The following CAT variants were observed in gnomAD, a reference collection of about 807,000 sequenced individuals.
The protein encoded by CAT is catalase, also known as epididymis secretory sperm binding protein.
Under a neutral mutation model 59.0 loss-of-function variants are expected in CAT, and 43 were observed. The ratio of observed to expected loss-of-function variants is 0.73; its 90% CI spans 0.57 to 0.94. The LOEUF is 0.94. Ranked by LOEUF, CAT falls within the 40% of genes least tolerant of loss-of-function variation. CAT has a pLI of 0.00. For missense variants in CAT, 664 were observed against 682.9 expected (o/e 0.97, Z 0.31); for synonymous variants, 218 against 230.9 (o/e 0.94, Z 0.51).
intron 10 of CAT, 67 bp downstream of exon 10, chr11:34,464,302 C>T (rs1564966277): frequency 1.2e-5 from 17 of 1,460,122 alleles, no homozygotes; most frequent in Non-Finnish European, 1.6e-5. Flanking sequence ...CCTGCATAAT[C>T]CCCCTCCCTG....
At chr11:34,466,780 C>CAAAAAAAAAAAAA (rs71457350) in intron 10 of CAT, among the ~76,000 whole-genome samples, 10 of 41,146 alleles carry the variant, frequency 2.4e-4, no homozygotes, top group African/African-American at 5.0e-4. Context: ...GACTCCGTCT[C>CAAAAAAAAAAAAA]AAAAAAAAAA....
At chr11:34,452,887 A>G (rs539915864) in intron 4 of CAT, among the ~76,000 whole-genome samples, 1 of 151,648 alleles carries the variant, frequency 6.6e-6, no homozygotes, top group Admixed American at 6.6e-5. Flanking sequence ...TATAGTTTTG[A>G]GTATATTTGA....
chr11:34,468,303 G>A lies in CAT; in HGVS notation c.1342G>A (p.Val448Met). 1 of 1,613,864 alleles carries A rather than the reference G, an allele frequency of 6.2e-7. No homozygotes were observed. The highest frequency in any genetic ancestry group is 1.1e-5 in the South Asian group (1 of 91,076). Reference protein sequence around the residue: ...DNVTQVRAFYVNVLNEEQRKR... With the variant: ...DNVTQVRAFYMNVLNEEQRKR... ...CTCTGAGCAGGTGCGGGCATTCTAT[G>A]TGAACGTGCTGAATGAGGAACAGAG... The change falls in exon 11 of 13, where the codon GTG (valine) becomes ATG (methionine). Residue 448 changes from valine to methionine, a missense_variant. Physicochemically the swap from Val to Met is conservative, Grantham distance 21. Transcript: ENST00000241052.
rs753141249 is a variant in CAT at position 34,456,753 on chromosome 11, A to G, written c.992A>G (p.Gln331Arg). Reference protein sequence around the residue: ...NPVNYFAEVEQIAFDPSNMPP... With the variant: ...NPVNYFAEVERIAFDPSNMPP... The stretch of plus-strand genomic sequence containing the variant: ...GTTAATTACTTTGCTGAGGTTGAAC[A>G]GATAGCCTTCGACCCAAGCAACATG... The change falls in exon 8 of 13, where the codon CAG becomes CGG. Residue 331 changes from glutamine to arginine, a missense_variant. Coordinates refer to ENST00000241052, the MANE Select transcript of CAT (RefSeq NM_001752.4). 7.4e-6 allele frequency: 12 copies of G among 1,614,044 alleles called. No individual in the cohort carries two copies. The East Asian group carries it at 2.2e-4, about 30-fold the overall frequency.
intron 1 of CAT, among the ~76,000 whole-genome samples, chr11:34,443,742 A>C (rs1452378259): frequency 6.6e-5 from 10 of 152,186 alleles, no homozygotes; most frequent in African/African-American, 2.4e-4. Flanking sequence ...GTCTTAGACT[A>C]TCCATTTCTG....
chr11:34,449,384 C>T, intron 2 of CAT, 21 bp downstream of exon 2: 1 of 1,609,102 alleles, frequency 6.2e-7, no homozygotes, highest in Non-Finnish European at 8.5e-7. Context: ...TGTTTATTTG[C>T]TGTAAAAAGA....
chr11:34,447,853 A>C (rs1294061807), intron 1 of CAT, among the ~76,000 whole-genome samples: 1 of 152,186 alleles, frequency 6.6e-6, no homozygotes, highest in Non-Finnish European at 1.5e-5. Context: ...ACTCATAAAT[A>C]AGTAACTTAC....
At chr11:34,442,215 T>C (rs1292229438) in intron 1 of CAT, among the ~76,000 whole-genome samples, 1 of 152,238 alleles carries the variant, frequency 6.6e-6, no homozygotes, top group Non-Finnish European at 1.5e-5. Flanking sequence ...AAATTATTAA[T>C]TCATAGCCCA....
At chr11:34,457,206 T>C (rs1856601480) in intron 8 of CAT, among the ~76,000 whole-genome samples, 2 of 104,010 alleles carry the variant, frequency 1.9e-5, no homozygotes, top group Non-Finnish European at 4.1e-5. Flanking sequence ...TTCTTGTTCT[T>C]TTTTTTTTTT....
intron 7 of CAT, 67 bp from the exon 8 acceptor site, chr11:34,456,598 T>C (rs1856592367): frequency 7.0e-7 from 1 of 1,433,856 alleles, no homozygotes; most frequent in Non-Finnish European, 9.8e-7. Context: ...AATCTGGTAT[T>C]TTTGTGGGTA....
At chr11:34,468,436 G>A in intron 11 of CAT, 41 bp downstream of exon 11, 2 of 1,359,450 alleles carry the variant, frequency 1.5e-6, no homozygotes, top group Non-Finnish European at 2.1e-6. Context: ...TGCTGGCTAA[G>A]GAAGACAGTG....
intron 10 of CAT, among the ~76,000 whole-genome samples, chr11:34,464,540 C>T (rs1303781498): frequency 6.6e-6 from 1 of 152,138 alleles, no homozygotes; most frequent in African/African-American, 2.4e-5. Flanking sequence ...TGAGCATGTA[C>T]AGCTTACGTG....
rs750455835 is a variant in CAT at position 34,452,176 on chromosome 11, C to A, written c.449C>A (p.Thr150Asn). The change falls in exon 4 of 13, where the codon ACC becomes AAC. Residue 150 changes from threonine (T) to asparagine (N), a missense_variant. Transcript: ENST00000241052. The part of the protein sequence containing the change: ...DGNWDLVGNN[T>N]PIFFIRDPIL... Reference sequence around the variant, plus strand: ...AACTGGGATCTCGTTGGAAATAACACCCCCATTTTCTTCATCAGGGATCCC... The same window carrying A: ...AACTGGGATCTCGTTGGAAATAACAACCCCATTTTCTTCATCAGGGATCCC... The A allele has an allele frequency of 2.5e-6, 4 of 1,613,392 alleles. No homozygotes were observed. The African/African-American group carries it at 5.3e-5, about 22-fold the overall frequency.
Position 34,468,370 on chromosome 11 carries a change from CA to C in CAT, c.1410del (p.Gln471LysfsTer69). On this transcript the variant is annotated frameshift_variant, in exon 11 of 13. Transcript: ENST00000241052. LOFTEE classifies it high-confidence loss of function. Reference protein sequence around the residue: ...CENIAGHLKDAQIFIQKKAVK... With the variant: ...CENIAGHLKDXQIFIQKKAVK... The stretch of plus-strand genomic sequence containing the variant: ...AACATTGCCGGCCACCTGAAGGATG[CA>C]CAAATTTTCATCCAGAAGAAAGCGG... 1 of 1,613,858 alleles carries C rather than the reference CA, an allele frequency of 6.2e-7. No homozygotes were observed. The highest frequency in any genetic ancestry group is 1.6e-4 in the Middle Eastern group (1 of 6,062).
chr11:34,445,495 CAAA>C (rs58169234), intron 1 of CAT, among the ~76,000 whole-genome samples: 7 of 36,340 alleles, frequency 1.9e-4, no homozygotes, highest in African/African-American at 6.2e-4. Flanking sequence ...GACTCCATCT[CAAA>C]AAAAAAAAAA....
Position 34,438,985 on chromosome 11 carries a change from G to A in CAT, c.-29G>A, listed in dbSNP as rs752057739. ...GGAGACCCACGAGCCGAGGCCTCCT[G>A]CAGTGTTCTGCACAGCAAACCGCAC... On this transcript the variant is annotated 5_prime_UTR_variant, in exon 1 of 13. Transcript: ENST00000241052. The A allele has an allele frequency of 2.6e-6, 4 of 1,565,222 alleles. No homozygotes were observed. The highest frequency in any genetic ancestry group is 1.4e-5 in the African/African-American group (1 of 73,632).
In CAT at chr11:34,467,089, G is replaced by C. The variant is rs371788483; in HGVS notation, c.1327-1199G>C. Among the ~76,000 whole-genome samples, 10 of 152,152 alleles carry C rather than the reference G, an allele frequency of 6.6e-5. No homozygotes were observed. The East Asian group carries it at 1.7e-3, about 26-fold the overall frequency. Reference sequence around the variant, plus strand: ...TAATAGATGGAAGAATCATAGACATGATAATTGGAAAGAGGCTTTAAAATA... The same window carrying C: ...TAATAGATGGAAGAATCATAGACATCATAATTGGAAAGAGGCTTTAAAATA... On this transcript the variant is annotated intron_variant, in intron 10 of 12. Coordinates refer to ENST00000241052, the MANE Select transcript of CAT (RefSeq NM_001752.4).
At chr11:34,461,039 C>G in intron 8 of CAT, 1 of 636,398 alleles carries the variant, frequency 1.6e-6, no homozygotes, top group Non-Finnish European at 2.8e-6. Flanking sequence ...TTATGGTTGG[C>G]CAGAGGGCCT....
chr11:34,456,424 G>A (rs954954066), intron 7 of CAT, among the ~76,000 whole-genome samples: 1 of 152,138 alleles, frequency 6.6e-6, no homozygotes, highest in Admixed American at 6.5e-5. Flanking sequence ...TTCATATATT[G>A]TTATTAACAG....
Sources: allele counts gnomAD v4.1 joint callset (sites outside exome capture counted in the v4.1 genomes callset), GRCh38; gene constraint gnomAD v4.1.1; transcripts MANE v1.5; gene names NCBI Gene and HGNC (gene_info 2026-07-23, HGNC 2026-07-21).